LDB2: variants seen among roughly 807,000 people sequenced by gnomAD.
The protein encoded by LDB2 is LIM domain binding 2.
A neutral mutation model predicts 44.3 loss-of-function variants in LDB2; 12 were observed. The observed-to-expected ratio is 0.27, with a 90% CI of 0.17 to 0.44. LDB2 has a LOEUF of 0.44. LDB2 is among the 20% of genes least tolerant of loss of function. LDB2 has a pLI of 1.00. For synonymous variants in LDB2, 164 were observed against 174.8 expected (o/e 0.94, Z 0.49); for missense variants, 344 against 473.5 (o/e 0.73, Z 2.54).
At chr4:16,520,906 C>T (rs1275873368) in intron 5 of LDB2, among the ~76,000 whole-genome samples, 3 of 152,168 alleles carry the variant, frequency 2.0e-5, no homozygotes, top group Admixed American at 2.0e-4. Flanking sequence ...ACCTCTGATT[C>T]TACAGCCATA....
intron 5 of LDB2, among the ~76,000 whole-genome samples, chr4:16,537,496 A>G (rs1164368863): frequency 6.6e-6 from 1 of 152,210 alleles, no homozygotes; most frequent in African/African-American, 2.4e-5. Context: ...TTCTTTACAG[A>G]GGAGACCTTT....
chr4:16,583,742 C>G (rs1302655143), intron 5 of LDB2, among the ~76,000 whole-genome samples: 3 of 152,168 alleles, frequency 2.0e-5, no homozygotes, highest in African/African-American at 7.2e-5. Context: ...TCAAGCGGCC[C>G]ACGTCAGCCC....
intron 2 of LDB2, among the ~76,000 whole-genome samples, chr4:16,695,465 A>C (rs1001973829): frequency 2.0e-5 from 3 of 152,110 alleles, no homozygotes; most frequent in Non-Finnish European, 4.4e-5. Flanking sequence ...CTGTCAAAAA[A>C]AAAAAAAGAA....
intron 7 of LDB2, 33 bp from the exon 8 acceptor site, chr4:16,502,906 A>C: frequency 6.2e-7 from 1 of 1,609,912 alleles, no homozygotes; most frequent in South Asian, 1.1e-5. Flanking sequence ...TTACAGGGAA[A>C]CCTTGGGAGA....
chr4:16,549,630 A>G (rs1026644084), intron 5 of LDB2, among the ~76,000 whole-genome samples: 1 of 152,156 alleles, frequency 6.6e-6, no homozygotes, highest in Non-Finnish European at 1.5e-5. Flanking sequence ...TCAAACTAGG[A>G]CAGACCAAGG....
chr4:16,554,403 G>A (rs536072985), intron 5 of LDB2, among the ~76,000 whole-genome samples: 3 of 152,146 alleles, frequency 2.0e-5, no homozygotes, highest in South Asian at 2.1e-4. Flanking sequence ...ACTGGGTGCC[G>A]CCATTTTAAG....
intron 1 of LDB2, among the ~76,000 whole-genome samples, chr4:16,839,122 T>G (rs1289143178): frequency 6.6e-6 from 1 of 152,208 alleles, no homozygotes; most frequent in East Asian, 1.9e-4. Context: ...TATACAAGCT[T>G]ATATTTAAGC....
At chr4:16,539,155 A>G (rs1173342057) in intron 5 of LDB2, among the ~76,000 whole-genome samples, 1 of 152,206 alleles carries the variant, frequency 6.6e-6, no homozygotes, top group Non-Finnish European at 1.5e-5. Flanking sequence ...GGATCAAGGA[A>G]AACCTTTACA....
At chr4:16,707,395 A>T (rs1754839506) in intron 2 of LDB2, among the ~76,000 whole-genome samples, 1 of 152,210 alleles carries the variant, frequency 6.6e-6, no homozygotes, top group Non-Finnish European at 1.5e-5. Flanking sequence ...AATACTACAG[A>T]AAATGGCCAA....
intron 2 of LDB2, among the ~76,000 whole-genome samples, chr4:16,723,710 C>T (rs975586628): frequency 6.6e-6 from 1 of 152,044 alleles, no homozygotes; most frequent in African/African-American, 2.4e-5. Flanking sequence ...CCAAGCAGAC[C>T]CCACTTTCAG....
At chr4:16,684,679 G>C (rs1748768805) in intron 2 of LDB2, among the ~76,000 whole-genome samples, 4 of 152,152 alleles carry the variant, frequency 2.6e-5, no homozygotes, top group Admixed American at 1.3e-4. Context: ...TAGCCCAGTA[G>C]AAACATTTGG....
intron 6 of LDB2, among the ~76,000 whole-genome samples, chr4:16,509,661 A>G (rs1021913179): frequency 5.3e-5 from 8 of 152,210 alleles, no homozygotes; most frequent in African/African-American, 1.9e-4. Context: ...CATAAATGAG[A>G]AAGTTTCAGA....
At chr4:16,532,200 T>C (rs951766503) in intron 5 of LDB2, among the ~76,000 whole-genome samples, 10 of 152,200 alleles carry the variant, frequency 6.6e-5, no homozygotes, top group Non-Finnish European at 1.0e-4. Context: ...GTAACAATTA[T>C]GGATTTTAGG....
At chr4:16,833,135 C>G (rs6838075) in intron 1 of LDB2, among the ~76,000 whole-genome samples, 2,500 of 152,180 alleles carry the variant, frequency 0.016, 61 homozygotes, top group African/African-American at 0.057. Flanking sequence ...GAAAAGAAAT[C>G]AAATATGCTT....
chr4:16,672,811 C>T (rs528577506), intron 2 of LDB2, among the ~76,000 whole-genome samples: 45 of 123,798 alleles, frequency 3.6e-4, no homozygotes, highest in East Asian at 1.5e-3. Flanking sequence ...GAACTGCTTG[C>T]GTGCCTGCCT....
chr4:16,689,319 G>A (rs1270347292), intron 2 of LDB2, among the ~76,000 whole-genome samples: 1 of 152,214 alleles, frequency 6.6e-6, no homozygotes, highest in East Asian at 1.9e-4. Flanking sequence ...CTAGTAGCCA[G>A]AAGGAAACAA....
At chr4:16,794,626 T>C (rs566031768) in intron 1 of LDB2, among the ~76,000 whole-genome samples, 2 of 152,328 alleles carry the variant, frequency 1.3e-5, no homozygotes, top group East Asian at 3.9e-4. Context: ...ATTTATCCCA[T>C]GGGGTTAATA....
Position 16,613,797 on chromosome 4 carries a change from T to C in LDB2, c.236-17922A>G, listed in dbSNP as rs551729325. Among the ~76,000 whole-genome samples, 8 of 152,218 alleles carry C rather than the reference T, an allele frequency of 5.3e-5. No homozygotes were observed. In the South Asian group the frequency reaches 1.2e-3, roughly 24 times the overall value. The stretch of plus-strand genomic sequence containing the variant: ...CACAAACAAATGGAAAAACCTTCCA[T>C]CCTCATGGATAGGAAGAATCGATAT... On this transcript the variant is annotated intron_variant, in intron 2 of 7. Transcript: ENST00000304523.
At chr4:16,794,146 C>T (rs1018976213) in intron 1 of LDB2, among the ~76,000 whole-genome samples, 1 of 152,034 alleles carries the variant, frequency 6.6e-6, no homozygotes, top group African/African-American at 2.4e-5. Context: ...ACCTTAAAGC[C>T]CACAACAAGC....
Sources: allele counts gnomAD v4.1 joint callset (sites outside exome capture counted in the v4.1 genomes callset), GRCh38; gene constraint gnomAD v4.1.1; transcripts MANE v1.5; gene names NCBI Gene and HGNC (gene_info 2026-07-23, HGNC 2026-07-21).